The following TMEM38B variants were observed in gnomAD, a reference collection of about 807,000 sequenced individuals.
TMEM38B encodes transmembrane protein 38B, also known as trimeric intracellular cation channel type B.
TMEM38B carries 24 observed loss-of-function variants against 28.7 expected under a neutral mutation model. The observed-to-expected ratio is 0.84, with a 90% CI of 0.61 to 1.18. The LOEUF (loss-of-function observed/expected upper bound fraction) is 1.18, where lower values mean the gene tolerates loss of function less well. TMEM38B is among the 50% of genes most tolerant of loss of function. TMEM38B has a pLI of 0.00. For synonymous variants in TMEM38B, 131 were observed against 127.7 expected, an observed-to-expected ratio of 1.03 and a Z score of -0.17; for missense variants, 380 against 350.9, an observed-to-expected ratio of 1.08 and a Z score of -0.66.
In TMEM38B at chr9:105,748,133, G is replaced by C; in HGVS notation, c.603G>C (p.Leu201=). ...VIFTFQHTQH[L]AISKHNLMFL... is the part of the protein sequence containing the mutation. ...TCACATTCCAGCACACCCAGCATCT[G>C]GCAATATCAAAGCATAATCTTATGT... Residue 201 remains leucine, a synonymous_variant, in exon 5 of 6, where the codon CTG becomes CTC. Transcript: ENST00000374692. 2 of 1,613,548 alleles carry C rather than the reference G, an allele frequency of 1.2e-6. No individual in the cohort carries two copies. Among genetic ancestry groups the C allele is most frequent in the African/African-American group, 1.3e-5 (1 of 74,982 alleles).
chr9:105,698,413 C>G (rs1162657913), intron 1 of TMEM38B, among the ~76,000 whole-genome samples: 1 of 151,802 alleles, frequency 6.6e-6, no homozygotes, highest in Non-Finnish European at 1.5e-5. Flanking sequence ...CTAGGATATC[C>G]CTATATCTTT....
chr9:105,749,180 A>G (rs1000465654), intron 5 of TMEM38B: 7 of 1,174,212 alleles, frequency 6.0e-6, no homozygotes, highest in South Asian at 5.4e-5. Flanking sequence ...TGAGCCGTGT[A>G]TATTTTTTTC....
chr9:105,775,357 A>G lies in TMEM38B; in HGVS notation c.*1277A>G, dbSNP rs889632376. On this transcript the variant is annotated 3_prime_UTR_variant, in exon 6 of 6. Transcript: ENST00000374692. ...ATGATGTTAATTTTCTTACTTTATG[A>G]TTTAGAAGTCCAGTTATAATATTAA... 6.6e-6 allele frequency: 1 copy of G among 152,128 alleles called. No individual in the cohort carries two copies. Among genetic ancestry groups the G allele is most frequent in the Non-Finnish European group, 1.5e-5 (1 of 68,004 alleles). The allele number at this position is 152,128 out of a possible 1,614,324, so 9.4% of individuals were successfully genotyped here.
chr9:105,705,731 A>G lies in TMEM38B; in HGVS notation c.247A>G (p.Ile83Val), dbSNP rs961550529. Residue 83 changes from isoleucine to valine, a missense_variant, in exon 2 of 6, where the codon ATA becomes GTA. Physicochemically the swap from Ile to Val is conservative, Grantham distance 29. Coordinates refer to ENST00000374692, the MANE Select transcript of TMEM38B (RefSeq NM_018112.3). ...PLKFLANHTN[I>V]LLASSIWYIT... ...GAAGTTTCTTGCAAACCACACTAAC[A>G]TATTACTGGCATCTTCAATCTGGTA... is the stretch of plus-strand genomic sequence containing the variant. 22 of 1,613,494 alleles carry G rather than the reference A, an allele frequency of 1.4e-5. No individual in the cohort carries two copies. Among genetic ancestry groups the G allele is most frequent in the Non-Finnish European group, 1.9e-5 (22 of 1,179,932 alleles).
At chr9:105,701,430 A>T (rs1835456903) in intron 1 of TMEM38B, 1 of 152,210 alleles carries the variant, frequency 6.6e-6, no homozygotes. Flanking sequence ...GCAAGACTGT[A>T]ATGGTTGAAC....
At chr9:105,748,654 A>G (rs1837525211) in intron 5 of TMEM38B, among the ~76,000 whole-genome samples, 3 of 152,208 alleles carry the variant, frequency 2.0e-5, no homozygotes, top group African/African-American at 7.2e-5. Context: ...AGAGACAGGC[A>G]GTCTTGGGTT....
intron 5 of TMEM38B, among the ~76,000 whole-genome samples, chr9:105,761,599 A>G (rs1019174801): frequency 6.6e-6 from 1 of 152,168 alleles, no homozygotes; most frequent in Non-Finnish European, 1.5e-5. Context: ...AAATAACAAC[A>G]TTACCTACTG....
intron 1 of TMEM38B, among the ~76,000 whole-genome samples, chr9:105,696,129 AC>A (rs1206088475): frequency 6.6e-6 from 1 of 152,152 alleles, no homozygotes; most frequent in East Asian, 1.9e-4. Context: ...TCCAGAGGCT[AC>A]CTGAGTTGTG....
chr9:105,727,704 A>G (rs79900026), intron 4 of TMEM38B, among the ~76,000 whole-genome samples: 3,325 of 152,214 alleles, frequency 0.022, 54 homozygotes, highest in Middle Eastern at 0.048. Context: ...ATCTGTTGAT[A>G]TGGTTTGGGT....
At chr9:105,772,315 C>T (rs1401455882) in intron 5 of TMEM38B, among the ~76,000 whole-genome samples, 1 of 152,136 alleles carries the variant, frequency 6.6e-6, no homozygotes, top group Non-Finnish European at 1.5e-5. Context: ...GCGACATCCT[C>T]CTCTTTGGGC....
At chr9:105,731,747 A>G (rs1311807648) in intron 4 of TMEM38B, among the ~76,000 whole-genome samples, 2 of 152,058 alleles carry the variant, frequency 1.3e-5, no homozygotes, top group Non-Finnish European at 2.9e-5. Context: ...TGCTATTGTG[A>G]TTAGTGCAGC....
chr9:105,761,982 C>T (rs114981782), intron 5 of TMEM38B, among the ~76,000 whole-genome samples: 3,525 of 152,154 alleles, frequency 0.023, 136 homozygotes, highest in African/African-American at 0.081. Context: ...CAGGTTTCTG[C>T]TTGATCGACT....
intron 4 of TMEM38B, among the ~76,000 whole-genome samples, chr9:105,743,043 A>G (rs558081683): frequency 5.3e-5 from 8 of 152,296 alleles, no homozygotes; most frequent in East Asian, 1.9e-4. Flanking sequence ...CCTTGCTTCA[A>G]CAGTGTTTGG....
At chr9:105,712,790 G>A (rs1023583644) in intron 2 of TMEM38B, among the ~76,000 whole-genome samples, 1 of 152,224 alleles carries the variant, frequency 6.6e-6, no homozygotes, top group Non-Finnish European at 1.5e-5. Context: ...GAGGGCACAG[G>A]GAGAAGGCGG....
intron 1 of TMEM38B, among the ~76,000 whole-genome samples, chr9:105,695,169 G>A (rs918031699): frequency 6.0e-5 from 9 of 149,590 alleles, no homozygotes; most frequent in African/African-American, 2.3e-4. Flanking sequence ...CTCGCTCGCA[G>A]TGTCGCCACT....
rs576716465 is a variant in TMEM38B, at chr9:105,721,135, C to A, written c.270-402C>A. Among the ~76,000 whole-genome samples, 92 of 152,278 alleles carry A rather than the reference C, an allele frequency of 6.0e-4. No individual in the cohort carries two copies. The Middle Eastern group carries it at 0.01, about 17-fold the overall frequency. On this transcript the variant is annotated intron_variant, in intron 2 of 5. Coordinates refer to ENST00000374692, the MANE Select transcript of TMEM38B (RefSeq NM_018112.3). Reference sequence around the variant, plus strand: ...CCTTGCTTTTACCAAAGGACCCTTTCTCTAATTCATTTTCCCAGAGGACAA... The same window carrying A: ...CCTTGCTTTTACCAAAGGACCCTTTATCTAATTCATTTTCCCAGAGGACAA...
At chr9:105,737,322 C>T (rs1192903440) in intron 4 of TMEM38B, among the ~76,000 whole-genome samples, 1 of 149,250 alleles carries the variant, frequency 6.7e-6, no homozygotes, top group Non-Finnish European at 1.5e-5. Flanking sequence ...AGGGGTGCTC[C>T]AGAGGCCTGA....
intron 5 of TMEM38B, among the ~76,000 whole-genome samples, chr9:105,757,697 A>G (rs188743974): frequency 6.6e-6 from 1 of 152,348 alleles, no homozygotes; most frequent in East Asian, 1.9e-4. Context: ...GGAACGGTAA[A>G]GAATGACTAA....
intron 5 of TMEM38B, among the ~76,000 whole-genome samples, chr9:105,764,978 G>A (rs1826315926): frequency 6.6e-6 from 1 of 152,126 alleles, no homozygotes; most frequent in African/African-American, 2.4e-5. Flanking sequence ...ACAAGCAATG[G>A]GGGAAGGATT....
Sources: allele counts gnomAD v4.1 joint callset (sites outside exome capture counted in the v4.1 genomes callset), GRCh38; gene constraint gnomAD v4.1.1; transcripts MANE v1.5; gene names NCBI Gene and HGNC (gene_info 2026-07-23, HGNC 2026-07-21).